Variants in RC3H2 observed in about 807,000 individuals in gnomAD.
RC3H2 encodes ring finger and CCCH-type domains 2.
In RC3H2, 31 loss-of-function variants were observed where a neutral mutation model predicts 133.3. The observed-to-expected ratio is 0.23, with a 90% CI of 0.17 to 0.31. The LOEUF (loss-of-function observed/expected upper bound fraction) is 0.31. Ranked by LOEUF, RC3H2 falls within the 10% of genes least tolerant of loss-of-function variation. The probability of loss-of-function intolerance (pLI) is 1.00; values close to 1 mark genes in which losing one functional copy is unlikely to be tolerated. For synonymous variants in RC3H2, 517 were observed against 502.2 expected, an observed-to-expected ratio of 1.03 and a Z score of -0.40; for missense variants, 1,175 against 1,437.2, an observed-to-expected ratio of 0.82 and a Z score of 2.95.
intron 9 of RC3H2, among the ~76,000 whole-genome samples, chr9:122,869,444 A>C (rs1178630702): frequency 6.6e-6 from 1 of 152,058 alleles, no homozygotes; most frequent in East Asian, 1.9e-4. Flanking sequence ...TCTCTTTAAC[A>C]TGTACACATT....
intron 4 of RC3H2, among the ~76,000 whole-genome samples, chr9:122,885,636 T>C (rs1357978451): frequency 6.6e-6 from 1 of 152,244 alleles, no homozygotes; most frequent in Admixed American, 6.5e-5. Flanking sequence ...CCAGGGTTTC[T>C]CTGCTGGCAA....
At chr9:122,859,389 C>A (rs1830374788) in intron 11 of RC3H2, among the ~76,000 whole-genome samples, 1 of 151,346 alleles carries the variant, frequency 6.6e-6, no homozygotes, top group Non-Finnish European at 1.5e-5. Context: ...CCACACCTGA[C>A]CACAAACTAC....
At chr9:122,904,884 C>T (rs1363874265) in intron 1 of RC3H2, among the ~76,000 whole-genome samples, 2 of 152,174 alleles carry the variant, frequency 1.3e-5, no homozygotes, top group Non-Finnish European at 2.9e-5. Context: ...GGAAGGTGGC[C>T]ATTTGAGCCG....
Position 122,892,923 on chromosome 9 carries a change from A to G in RC3H2, c.335T>C (p.Leu112Pro), listed in dbSNP as rs927538418. Residue 112 changes from leucine (L) to proline (P), a missense_variant, in exon 3 of 21, where the codon CTA becomes CCA. Leu to Pro is a moderately conservative substitution (Grantham distance 98, BLOSUM62 -3). This residue lies in a region of RC3H2 where 121 missense variants were observed against 243.5 expected (regional missense o/e 0.50). Coordinates refer to ENST00000357244, the MANE Select transcript of RC3H2 (RefSeq NM_001100588.3). ...VEDLALYLKP[L>P]SGGKGVASLN... is the part of the protein sequence containing the mutation. ...TATGAACTTACCTTTACCTCCACTT[A>G]GTGGTTTTAAGTAGAGTGCCAAATC... 2 of 1,612,812 alleles carry G rather than the reference A, an allele frequency of 1.2e-6. No homozygotes were observed. The highest frequency in any genetic ancestry group is 2.7e-5 in the African/African-American group (2 of 74,792).
intron 20 of RC3H2, 63 bp from the exon 21 acceptor site, chr9:122,849,885 T>C (rs1229868184): frequency 1.8e-6 from 2 of 1,129,962 alleles, no homozygotes; most frequent in African/African-American, 1.6e-5. Context: ...TAAGGGTGAC[T>C]ATACATATTT....
chr9:122,890,397 C>A lies in RC3H2; in HGVS notation c.498G>T (p.Leu166=), dbSNP rs1288358147. 6.2e-7 allele frequency: 1 copy of A among 1,614,148 alleles called. No homozygotes were observed. Among genetic ancestry groups the A allele is most frequent in the East Asian group, 2.2e-5 (1 of 44,874 alleles). ...RSLGERTVTE[L]ILQHQNPQQL... ...GCTGAGGGTTCTGGTGCTGTAATAT[C>A]AGTTCTGTTACAGTTCTTTCTCCAA... Residue 166 remains leucine, a synonymous_variant, in exon 4 of 21, where the codon CTG becomes CTT. Transcript: ENST00000357244.
At chr9:122,891,146 A>T (rs1832151685) in intron 3 of RC3H2, among the ~76,000 whole-genome samples, 1 of 151,000 alleles carries the variant, frequency 6.6e-6, no homozygotes, top group Admixed American at 6.6e-5. Context: ...CAGCCTCCCG[A>T]GTAGCTGGGA....
intron 6 of RC3H2, 154 bp from the exon 7 acceptor site, chr9:122,880,279 A>G: frequency 1.1e-6 from 1 of 923,772 alleles, no homozygotes; most frequent in Non-Finnish European, 1.8e-6. Context: ...TCACCTCAGA[A>G]TCTGCCCTAT....
chr9:122,864,089 T>C (rs1226112955), intron 10 of RC3H2, among the ~76,000 whole-genome samples: 2 of 152,216 alleles, frequency 1.3e-5, no homozygotes, highest in East Asian at 1.9e-4. Flanking sequence ...ACTGCAGAAG[T>C]AGCAAATGTT....
intron 1 of RC3H2, 100 bp from the exon 2 acceptor site, chr9:122,897,676 T>G: frequency 1.3e-6 from 1 of 757,144 alleles, no homozygotes; most frequent in East Asian, 2.8e-5. Context: ...CCTAAAATAC[T>G]TCTAAATAAT....
chr9:122,856,230 C>T (rs564956508), intron 13 of RC3H2, among the ~76,000 whole-genome samples: 1 of 152,156 alleles, frequency 6.6e-6, no homozygotes, highest in East Asian at 1.9e-4. Flanking sequence ...AGATCACAGT[C>T]CATATCCTAA....
intron 1 of RC3H2, among the ~76,000 whole-genome samples, chr9:122,902,812 C>T (rs1339799257): frequency 1.4e-5 from 2 of 146,288 alleles, no homozygotes; most frequent in African/African-American, 2.6e-5. Flanking sequence ...AATGGTGCCA[C>T]TGCACTCCAG....
chr9:122,857,733 C>A (rs759663499), intron 13 of RC3H2, among the ~76,000 whole-genome samples, 190 bp downstream of exon 13: 5 of 152,116 alleles, frequency 3.3e-5, no homozygotes, highest in Non-Finnish European at 5.9e-5. Flanking sequence ...AAGGACTATG[C>A]CTTAACGGTC....
intron 1 of RC3H2, among the ~76,000 whole-genome samples, chr9:122,903,482 A>G (rs991950058): frequency 6.6e-6 from 1 of 152,262 alleles, no homozygotes; most frequent in Non-Finnish European, 1.5e-5. Context: ...AGTGGAAGAC[A>G]GCAAATTACA....
intron 13 of RC3H2, among the ~76,000 whole-genome samples, chr9:122,856,522 T>C (rs1830253736): frequency 6.6e-6 from 1 of 152,220 alleles, no homozygotes; most frequent in South Asian, 2.1e-4. Flanking sequence ...TCCAAAGTGC[T>C]GGGATTATAG....
rs1309391308 is a variant in RC3H2, at chr9:122,844,710, A to G, written c.*4917T>C. The G allele has an allele frequency of 6.6e-6, 1 of 152,242 alleles. No homozygotes were observed. The highest frequency in any genetic ancestry group is 1.5e-5 in the Non-Finnish European group (1 of 68,050). 9.4% of individuals were successfully genotyped at this position (152,242 alleles called of 1,614,324 possible). A position where few individuals can be genotyped will look rare whatever the true frequency, so the allele number is the denominator to read the frequency against. On this transcript the variant is annotated 3_prime_UTR_variant, in exon 21 of 21. Coordinates refer to ENST00000357244, the MANE Select transcript of RC3H2 (RefSeq NM_001100588.3). ...ATCTCTTCACTTCAGTGCTACAGCA[A>G]AAACACACAGAATTCACTCTTTGCT...
chr9:122,897,922 G>C (rs1032035150), intron 1 of RC3H2: 3 of 159,612 alleles, frequency 1.9e-5, no homozygotes, highest in African/African-American at 7.2e-5. Context: ...TTGGACTGCT[G>C]GGCGGTTTTT....
At position 122,891,699 on chromosome 9, in the gene RC3H2, A is replaced by AAATG. The variant is rs1347919799; in HGVS notation, c.350-1158_350-1155dup. ...CACGCTCTTTAGATAGCTGTTCAATAAATGAATGAATGAATACAGGGGATA... is the reference window on the plus strand; with the variant it reads ...CACGCTCTTTAGATAGCTGTTCAATAAATGAATGAATGAATGAATACAGGGGATA... On this transcript the variant is annotated intron_variant, in intron 3 of 20. Coordinates refer to ENST00000357244, the MANE Select transcript of RC3H2 (RefSeq NM_001100588.3). Among the ~76,000 whole-genome samples the AAATG allele has an allele frequency of 2.0e-5, 3 of 152,030 alleles. No homozygotes were observed. The East Asian group carries it at 5.8e-4, about 29-fold the overall frequency.
At chr9:122,884,012 A>T (rs1831775334) in intron 4 of RC3H2, among the ~76,000 whole-genome samples, 1 of 151,950 alleles carries the variant, frequency 6.6e-6, no homozygotes, top group African/African-American at 2.4e-5. Context: ...CATAAAAATT[A>T]GGCCGGGCGC....
Sources: gnomAD v4.1 joint callset for allele counts (sites outside exome capture counted in the v4.1 genomes callset) on GRCh38, gnomAD v4.1.1 for gene constraint, gnomAD v4.1.1 regional missense constraint, MANE v1.5 for transcripts, NCBI Gene and HGNC (gene_info 2026-07-23, HGNC 2026-07-21) for gene names.